OR8G5: variants seen among roughly 807,000 people sequenced by gnomAD.
OR8G5 encodes the protein olfactory receptor 8G5.
For synonymous variants in OR8G5, 147 were observed against 147.7 expected, an observed-to-expected ratio of 1.00 and a Z score of 0.03; for missense variants, 347 against 371.9, an observed-to-expected ratio of 0.93 and a Z score of 0.55.
intron 1 of OR8G5, among the ~76,000 whole-genome samples, chr11:124,261,180 T>C (rs1434792029): frequency 6.6e-6 from 1 of 151,756 alleles, no homozygotes; most frequent in East Asian, 1.9e-4. Flanking sequence ...CACATTTCCT[T>C]TATCCATCCA....
chr11:124,264,695 G>A (rs541587490), intron 1 of OR8G5: 8 of 553,234 alleles, frequency 1.4e-5, no homozygotes, highest in African/African-American at 1.3e-4. Context: ...ATACAAAATA[G>A]ACACTCAAAG....
At chr11:124,258,430 C>T (rs559823152) in intron 1 of OR8G5, among the ~76,000 whole-genome samples, 142 of 151,876 alleles carry the variant, frequency 9.3e-4, no homozygotes, top group African/African-American at 3.2e-3. Context: ...TGGTGGCGGG[C>T]GCCTATAATC....
chr11:124,262,672 T>TACACACACACACACACACACACACAC (rs144755103), intron 1 of OR8G5, among the ~76,000 whole-genome samples: 1 of 150,858 alleles, frequency 6.6e-6, no homozygotes, highest in African/African-American at 2.4e-5. Context: ...TATATGTACA[T>TACACACACACACACACACACACACAC]ATACACACAC....
At chr11:124,259,523 GAACTAGA>G (rs1861946298) in intron 1 of OR8G5, among the ~76,000 whole-genome samples, 1 of 151,306 alleles carries the variant, frequency 6.6e-6, no homozygotes, top group Admixed American at 6.7e-5. Flanking sequence ...AACTTCAGAA[GAACTAGA>G]AGCAGACACT....
Position 124,265,161 on chromosome 11 carries a change from T to A in OR8G5, c.230T>A (p.Ile77Asn). Residue 77 changes from isoleucine to asparagine, a missense_variant, in exon 2 of 2, where the codon ATT (isoleucine) becomes AAT (asparagine). Transcript: ENST00000641992. ...SFIDFCHSTV[I>N]TPKMLVNFVT... Reference sequence around the variant, plus strand: ...ATTGACTTCTGCCATTCCACTGTCATTACCCCTAAGATGCTGGTGAACTTT... The same window carrying A: ...ATTGACTTCTGCCATTCCACTGTCAATACCCCTAAGATGCTGGTGAACTTT... 4.3e-6 allele frequency: 7 copies of A among 1,614,122 alleles called. No homozygotes were observed. The highest frequency in any genetic ancestry group is 5.9e-6 in the Non-Finnish European group (7 of 1,179,996).
At chr11:124,263,434 G>A (rs1861994100) in intron 1 of OR8G5, among the ~76,000 whole-genome samples, 1 of 151,510 alleles carries the variant, frequency 6.6e-6, no homozygotes, top group Admixed American at 6.6e-5. Flanking sequence ...TGCCATGTTG[G>A]TGTGCTGCAC....
intron 1 of OR8G5, among the ~76,000 whole-genome samples, chr11:124,264,313 T>C (rs1862005477): frequency 6.6e-6 from 1 of 152,192 alleles, no homozygotes; most frequent in Non-Finnish European, 1.5e-5. Context: ...TCAAGGGATG[T>C]CAGAGATACT....
At position 124,256,518 on chromosome 11, in the gene OR8G5, C is replaced by T. The variant is rs1203298238; in HGVS notation, c.-131C>T. ...TGCTTTGCAGTCTCAGGACTAAAGA[C>T]TACAGAACGCTGGCTTGGTACCTAT... On this transcript the variant is annotated 5_prime_UTR_variant, in exon 1 of 2. Coordinates refer to ENST00000641992, the MANE Select transcript of OR8G5 (RefSeq NM_001005198.2). 1 of 152,178 alleles carries T rather than the reference C, an allele frequency of 6.6e-6. No individual in the cohort carries two copies. The highest frequency in any genetic ancestry group is 1.5e-5 in the Non-Finnish European group (1 of 68,038). 9.4% of individuals were successfully genotyped at this position (152,178 alleles called of 1,614,324 possible). A position where few individuals can be genotyped will look rare whatever the true frequency, so the allele number is the denominator to read the frequency against.
intron 1 of OR8G5, 195 bp from the exon 2 acceptor site, chr11:124,264,723 C>A: frequency 1.6e-6 from 1 of 616,944 alleles, no homozygotes; most frequent in South Asian, 2.6e-5. Flanking sequence ...TTATTATAAA[C>A]ATAGGTAAAA....
chr11:124,264,153 T>A (rs576673364), intron 1 of OR8G5, among the ~76,000 whole-genome samples: 208 of 152,276 alleles, frequency 1.4e-3, no homozygotes, highest in African/African-American at 4.7e-3. Context: ...AGGTTAATAA[T>A]GTTCTCTTTT....
intron 1 of OR8G5, among the ~76,000 whole-genome samples, chr11:124,261,489 A>G (rs970716527): frequency 6.6e-6 from 1 of 151,986 alleles, no homozygotes; most frequent in Non-Finnish European, 1.5e-5. Context: ...TAAGCAAGAC[A>G]CATTACTAAA....
intron 1 of OR8G5, among the ~76,000 whole-genome samples, chr11:124,261,302 T>C (rs1861969297): frequency 6.6e-6 from 1 of 151,974 alleles, no homozygotes; most frequent in Non-Finnish European, 1.5e-5. Flanking sequence ...GGTGCTAATT[T>C]GTTGCTATTT....
At chr11:124,260,171 A>G (rs1443793708) in intron 1 of OR8G5, among the ~76,000 whole-genome samples, 1 of 113,514 alleles carries the variant, frequency 8.8e-6, no homozygotes, top group Non-Finnish European at 2.1e-5. Context: ...TTTCATAGTC[A>G]TGCATTTTTT....
At chr11:124,260,674 CTT>C (rs1861961836) in intron 1 of OR8G5, among the ~76,000 whole-genome samples, 2 of 149,012 alleles carry the variant, frequency 1.3e-5, no homozygotes, top group African/African-American at 4.9e-5. Context: ...AATCTCTTCT[CTT>C]ATTAGGGTTT....
chr11:124,264,778 C>A, intron 1 of OR8G5, 140 bp from the exon 2 acceptor site: 1 of 1,002,776 alleles, frequency 1.0e-6, no homozygotes, highest in Non-Finnish European at 1.5e-6. Context: ...AAGATTACTA[C>A]ATGCTAAATT....
At position 124,265,018 on chromosome 11, in the gene OR8G5, C is replaced by T. The variant is rs763836214; in HGVS notation, c.87C>T (p.Leu29=). Residue 29 remains leucine (L), a synonymous_variant, in exon 2 of 2, where the codon CTC becomes CTT. Transcript: ENST00000641992. ...EKSELQLPLF[L]VFLGIYVVTV... is the part of the protein sequence containing the mutation. ...CAGAGCTACAGCTGCCCCTCTTCCT[C>T]GTCTTCCTGGGAATCTATGTAGTCA... 32 of 1,613,926 alleles carry T rather than the reference C, an allele frequency of 2.0e-5. No homozygotes were observed. In the Middle Eastern group the frequency reaches 6.6e-4, roughly 33 times the overall value.
At chr11:124,261,643 G>A (rs2512180) in intron 1 of OR8G5, among the ~76,000 whole-genome samples, 73,184 of 151,702 alleles carry the variant, frequency 0.48, 18,423 homozygotes, top group East Asian at 0.58. Flanking sequence ...AAATATCACT[G>A]TGCATATTAA....
chr11:124,264,913 T>C lies in OR8G5; in HGVS notation c.-14-5T>C, dbSNP rs760504864. The C allele has an allele frequency of 6.2e-7, 1 of 1,613,146 alleles. No individual in the cohort carries two copies. The highest frequency in any genetic ancestry group is 8.5e-7 in the Non-Finnish European group (1 of 1,179,246). ...TAAATACCATGTTTTTTCTCTCCCC[T>C]GCAGAAACTCATCAAAGAATGGCAG... On this transcript the variant is annotated splice_region_variant and splice_polypyrimidine_tract_variant and intron_variant, in intron 1 of 1. Coordinates refer to ENST00000641992, the MANE Select transcript of OR8G5 (RefSeq NM_001005198.2).
rs1163027791 is a variant in OR8G5, at chr11:124,256,560, A to G, written c.-89A>G. 6.6e-6 allele frequency: 1 copy of G among 152,220 alleles called. No individual in the cohort carries two copies. The highest frequency in any genetic ancestry group is 1.5e-5 in the Non-Finnish European group (1 of 68,044). The allele number at this position is 152,220 out of a possible 1,614,324, so 9.4% of individuals were successfully genotyped here. A position where few individuals can be genotyped will look rare whatever the true frequency, so the allele number is the denominator to read the frequency against. On this transcript the variant is annotated 5_prime_UTR_variant, in exon 1 of 2. Coordinates refer to ENST00000641992, the MANE Select transcript of OR8G5 (RefSeq NM_001005198.2). ...GGTACCTATGACTTCCAACAGCAGC[A>G]TTAGTGCCATTCTCCAAGTCAAAGA...
Sources: allele counts gnomAD v4.1 joint callset (sites outside exome capture counted in the v4.1 genomes callset), GRCh38; gene constraint gnomAD v4.1.1; transcripts MANE v1.5; gene names NCBI Gene and HGNC (gene_info 2026-07-23, HGNC 2026-07-21).